Variants in ATP2C2 observed in about 807,000 individuals in gnomAD.
The protein encoded by ATP2C2 is ATPase secretory pathway Ca2+ transporting 2.
In ATP2C2, 171 loss-of-function variants were observed where a neutral mutation model predicts 110.8. That is an observed-to-expected ratio of 1.54 (90% CI 1.36 to 1.75). The LOEUF is 1.75. ATP2C2 is among the 40% of genes most tolerant of loss of function. ATP2C2 has a pLI of 0.00. For synonymous variants in ATP2C2, 804 were observed against 508.4 expected (o/e 1.58, Z -7.82); for missense variants, 1,963 against 1,235.0 (o/e 1.59, Z -8.84).
intron 20 of ATP2C2, among the ~76,000 whole-genome samples, chr16:84,454,421 C>G (rs1347741262): frequency 6.6e-6 from 1 of 152,170 alleles, no homozygotes; most frequent in Non-Finnish European, 1.5e-5. Flanking sequence ...CAGAGTAAAT[C>G]CCTATGTGAG....
intron 23 of ATP2C2, chr16:84,460,310 G>A (rs1911163044): frequency 3.3e-5 from 12 of 367,370 alleles, no homozygotes; most frequent in South Asian, 2.8e-4. Flanking sequence ...GCTCTGCGGA[G>A]GGCGGAGCCT....
At chr16:84,440,067 A>G (rs1488606977) in intron 13 of ATP2C2, among the ~76,000 whole-genome samples, 1 of 152,180 alleles carries the variant, frequency 6.6e-6, no homozygotes, top group Non-Finnish European at 1.5e-5. Context: ...CAAACTCCTG[A>G]CCTCAGGTGA....
chr16:84,369,307 G>A (rs1391442735), intron 1 of ATP2C2, among the ~76,000 whole-genome samples: 1 of 152,150 alleles, frequency 6.6e-6, no homozygotes, highest in Non-Finnish European at 1.5e-5. Context: ...GGTTCATGAG[G>A]GAACGAAGTG....
At chr16:84,441,496 G>A (rs1257551416) in intron 14 of ATP2C2, among the ~76,000 whole-genome samples, 3 of 152,088 alleles carry the variant, frequency 2.0e-5, no homozygotes, top group East Asian at 1.9e-4. Flanking sequence ...CTTTCACAGG[G>A]GCTCCCTCCT....
At chr16:84,412,371 T>C (rs1178190047) in intron 6 of ATP2C2, among the ~76,000 whole-genome samples, 6 of 108,058 alleles carry the variant, frequency 5.6e-5, no homozygotes, top group East Asian at 2.3e-4. Context: ...TGCATGTGTG[T>C]GTGCGTGTGT....
chr16:84,446,554 A>G, intron 16 of ATP2C2, 124 bp downstream of exon 16: 1 of 570,528 alleles, frequency 1.8e-6, no homozygotes, highest in South Asian at 3.7e-5. Context: ...CGTTCCAAAT[A>G]CATGGAAAAA....
At position 84,402,968 on chromosome 16, in the gene ATP2C2, T is replaced by G. The variant is rs566375830; in HGVS notation, c.211-2160T>G. Among the ~76,000 whole-genome samples, 26 of 152,324 alleles carry G rather than the reference T, an allele frequency of 1.7e-4. 1 individual carries two copies. In the South Asian group the frequency reaches 3.3e-3, roughly 19 times the overall value. ...ATGGCTTTGATCTTATTACTTGTTA[T>G]TGGTCTATTCAGCTTTTGGATTTCT... On this transcript the variant is annotated intron_variant, in intron 2 of 26. Transcript: ENST00000262429.
intron 15 of ATP2C2, among the ~76,000 whole-genome samples, chr16:84,442,910 T>A (rs775266371): frequency 2.0e-5 from 3 of 152,140 alleles, no homozygotes; most frequent in Non-Finnish European, 4.4e-5. Context: ...AGACTCCCTA[T>A]GCACCCAACA....
At chr16:84,418,472 A>G (rs1211844034) in intron 7 of ATP2C2, among the ~76,000 whole-genome samples, 7 of 152,162 alleles carry the variant, frequency 4.6e-5, no homozygotes, top group Admixed American at 2.0e-4. Context: ...TATTTTTGTC[A>G]TATGAAGACA....
chr16:84,371,135 C>A (rs763380397), intron 1 of ATP2C2, among the ~76,000 whole-genome samples: 1 of 152,154 alleles, frequency 6.6e-6, no homozygotes, highest in South Asian at 2.1e-4. Flanking sequence ...GAGGACCAGA[C>A]AGAGGACTGG....
chr16:84,432,367 A>G (rs1307382768), intron 11 of ATP2C2, among the ~76,000 whole-genome samples: 2 of 152,082 alleles, frequency 1.3e-5, no homozygotes, highest in African/African-American at 4.8e-5. Flanking sequence ...TGCTGCACCT[A>G]CCAACCCGTC....
In ATP2C2 at chr16:84,448,077, A is replaced by G. The variant is rs543366728; in HGVS notation, c.1504-456A>G. ...AGAGCTTAAGAAAAACACAGGAAAA[A>G]TGATCAGCTACTCATGTGGCTTCAC... is the stretch of plus-strand genomic sequence containing the variant. On this transcript the variant is annotated intron_variant, in intron 16 of 26. Coordinates refer to ENST00000262429, the MANE Select transcript of ATP2C2 (RefSeq NM_014861.4). Among the ~76,000 whole-genome samples, 3 of 152,196 alleles carry G rather than the reference A, an allele frequency of 2.0e-5. No individual in the cohort carries two copies. In the East Asian group the frequency reaches 5.8e-4, roughly 29 times the overall value.
At chr16:84,445,442 C>G (rs1340096636) in intron 15 of ATP2C2, among the ~76,000 whole-genome samples, 2 of 152,040 alleles carry the variant, frequency 1.3e-5, no homozygotes, top group Non-Finnish European at 2.9e-5. Context: ...TCTCCTCACC[C>G]CGTGATCCAC....
chr16:84,395,755 T>G (rs1326170474), intron 1 of ATP2C2, among the ~76,000 whole-genome samples: 2 of 152,168 alleles, frequency 1.3e-5, no homozygotes, highest in Non-Finnish European at 2.9e-5. Context: ...CTGCCTCAGC[T>G]TCCCAAAGTG....
chr16:84,412,351 C>CGTGTGTGTGT (rs1230470213), intron 6 of ATP2C2, among the ~76,000 whole-genome samples: 8 of 63,380 alleles, frequency 1.3e-4, no homozygotes, highest in South Asian at 3.8e-4. Flanking sequence ...CGTGTGTCTG[C>CGTGTGTGTGT]GTGCGTGTGT....
At chr16:84,407,949 G>A (rs1597781104) in intron 3 of ATP2C2, among the ~76,000 whole-genome samples, 1 of 152,206 alleles carries the variant, frequency 6.6e-6, no homozygotes, top group Non-Finnish European at 1.5e-5. Context: ...TTTTGGGAAC[G>A]GCTGTTTTAG....
intron 11 of ATP2C2, among the ~76,000 whole-genome samples, chr16:84,430,298 C>A (rs550412697): frequency 5.9e-5 from 9 of 152,280 alleles, no homozygotes; most frequent in African/African-American, 2.2e-4. Context: ...GAAGACCCGT[C>A]TACGCGAACG....
At position 84,406,951 on chromosome 16, in the gene ATP2C2, C is replaced by T. The variant is rs142817349; in HGVS notation, c.328-1454C>T. 1.3e-4 allele frequency among the ~76,000 whole-genome samples: 20 copies of T among 152,248 alleles called. No individual in the cohort carries two copies. In the East Asian group the frequency reaches 2.1e-3, roughly 16 times the overall value. Reference sequence around the variant, plus strand: ...CTCCAGCCTCCAGCCAGGGTGTTCCCCAAAATGAAATCTCTTAAATTTCTT... The same window carrying T: ...CTCCAGCCTCCAGCCAGGGTGTTCCTCAAAATGAAATCTCTTAAATTTCTT... On this transcript the variant is annotated intron_variant, in intron 3 of 26. Coordinates refer to ENST00000262429, the MANE Select transcript of ATP2C2 (RefSeq NM_014861.4).
chr16:84,412,101 C>T (rs544748794), intron 6 of ATP2C2, among the ~76,000 whole-genome samples: 9 of 152,178 alleles, frequency 5.9e-5, no homozygotes, highest in Non-Finnish European at 1.2e-4. Context: ...CCTGTGCCTG[C>T]CTCCAGGGCT....
Sources: gnomAD v4.1 joint callset for allele counts (sites outside exome capture counted in the v4.1 genomes callset) on GRCh38, gnomAD v4.1.1 for gene constraint, MANE v1.5 for transcripts, NCBI Gene and HGNC (gene_info 2026-07-23, HGNC 2026-07-21) for gene names.